Variants in PATJ observed in about 807,000 individuals in gnomAD.
The protein encoded by PATJ is inaD-like protein.
In PATJ, 190 loss-of-function variants were observed where a neutral mutation model predicts 224.9. The observed-to-expected ratio is 0.84, with a 90% CI of 0.75 to 0.95. The LOEUF (loss-of-function observed/expected upper bound fraction) is 0.95. PATJ is among the 40% of genes least tolerant of loss of function. PATJ has a pLI of 0.00. For missense variants in PATJ, 2,121 were observed against 2,270.3 expected (o/e 0.93, Z 1.34); for synonymous variants, 769 against 820.3 (o/e 0.94, Z 1.07).
At chr1:61,953,668 A>G (rs1026393948) in intron 27 of PATJ, among the ~76,000 whole-genome samples, 4 of 152,170 alleles carry the variant, frequency 2.6e-5, no homozygotes, top group Non-Finnish European at 5.9e-5. Flanking sequence ...TCAAACTTGT[A>G]TTGACAAGGC....
chr1:61,862,698 C>G (rs1664803071), intron 19 of PATJ, among the ~76,000 whole-genome samples: 1 of 152,048 alleles, frequency 6.6e-6, no homozygotes, highest in African/African-American at 2.4e-5. Context: ...ATATTGAATA[C>G]TTTCTAAAGA....
chr1:61,841,600 CTT>C (rs11424328), intron 17 of PATJ, among the ~76,000 whole-genome samples: 1 of 142,228 alleles, frequency 7.0e-6, no homozygotes. Flanking sequence ...TTTCTCTTGC[CTT>C]TTTTTTTTTT....
At chr1:62,010,513 C>T (rs773978398) in intron 28 of PATJ, among the ~76,000 whole-genome samples, 1 of 151,470 alleles carries the variant, frequency 6.6e-6, no homozygotes, top group East Asian at 1.9e-4. Context: ...TTAGCTCCCA[C>T]ATATGAGTGA....
intron 27 of PATJ, among the ~76,000 whole-genome samples, chr1:61,989,667 G>A (rs1385956326): frequency 6.6e-6 from 1 of 152,000 alleles, no homozygotes; most frequent in African/African-American, 2.4e-5. Flanking sequence ...GGGTGGGTTG[G>A]GGCAGATAGG....
chr1:62,068,488 A>C (rs1656856666), intron 31 of PATJ, among the ~76,000 whole-genome samples: 1 of 152,156 alleles, frequency 6.6e-6, no homozygotes, highest in South Asian at 2.1e-4. Flanking sequence ...ATGGCTGCCC[A>C]AAGCTCCTAA....
Position 61,886,819 on chromosome 1 carries a change from C to CAAAAAAAAAAAAAAAAAAA in PATJ, c.3131+2423_3131+2424insAAAAAAAAAAAAAAAAAAA, listed in dbSNP as rs35950461. Among the ~76,000 whole-genome samples the CAAAAAAAAAAAAAAAAAAA allele has an allele frequency of 4.9e-3, 426 of 87,440 alleles. 130 individuals carry two copies. The highest frequency in any genetic ancestry group is 7.6e-3 in the Non-Finnish European group (284 of 37,344). 57.4% of individuals were successfully genotyped at this position (87,440 alleles called of 152,430 possible). A position where few individuals can be genotyped will look rare whatever the true frequency, so the allele number is the denominator to read the frequency against. ...TGGGCAACAGAGCAAGACCCCATCT[C>CAAAAAAAAAAAAAAAAAAA]AAAAAAAAAAAATTAGCCTGTTGTG... On this transcript the variant is annotated intron_variant, in intron 22 of 43. Transcript: ENST00000642238.
intron 41 of PATJ, among the ~76,000 whole-genome samples, chr1:62,129,289 C>A (rs966663174): frequency 6.6e-6 from 1 of 152,176 alleles, no homozygotes; most frequent in East Asian, 1.9e-4. Context: ...TGTTACTGAA[C>A]TGCCCAAGTG....
chr1:62,052,861 G>A (rs997675045), intron 31 of PATJ, among the ~76,000 whole-genome samples: 42 of 152,078 alleles, frequency 2.8e-4, no homozygotes, highest in African/African-American at 9.7e-4. Flanking sequence ...ATTTCAAACC[G>A]AAAGCCCCTT....
At chr1:62,058,108 CAAAAATGAGAGTATT>C (rs1654841771) in intron 31 of PATJ, among the ~76,000 whole-genome samples, 1 of 152,116 alleles carries the variant, frequency 6.6e-6, no homozygotes, top group African/African-American at 2.4e-5. Context: ...GGCAAGAATA[CAAAAATGAGAGTATT>C]CCAGTCTACT....
chr1:62,092,398 A>G (rs2148797915), intron 33 of PATJ, among the ~76,000 whole-genome samples: 1 of 151,994 alleles, frequency 6.6e-6, no homozygotes, highest in East Asian at 1.9e-4. Flanking sequence ...AAAAAATGTG[A>G]TTCAAGCACT....
intron 43 of PATJ, among the ~76,000 whole-genome samples, chr1:62,159,005 T>C (rs1669579887): frequency 1.3e-5 from 2 of 152,174 alleles, no homozygotes; most frequent in African/African-American, 4.8e-5. Context: ...TAGCTTAACA[T>C]AGTTTTTAAA....
At chr1:61,938,692 A>T (rs1677270673) in intron 27 of PATJ, among the ~76,000 whole-genome samples, 1 of 152,120 alleles carries the variant, frequency 6.6e-6, no homozygotes, top group Non-Finnish European at 1.5e-5. Context: ...TCTGTTAAAA[A>T]TAAATAAATA....
chr1:61,992,153 T>G (rs1426990698), intron 28 of PATJ, among the ~76,000 whole-genome samples: 1 of 151,340 alleles, frequency 6.6e-6, no homozygotes, highest in Non-Finnish European at 1.5e-5. Context: ...GTTTCACTCT[T>G]GTTGCCCAGG....
At chr1:61,893,919 T>C (rs1669964637) in intron 22 of PATJ, among the ~76,000 whole-genome samples, 1 of 151,032 alleles carries the variant, frequency 6.6e-6, no homozygotes, top group Admixed American at 6.6e-5. Context: ...AGGAGGAAGG[T>C]TTGTATTGTT....
chr1:61,762,914 G>C lies in PATJ; in HGVS notation c.22G>C (p.Asp8His). The change falls in exon 2 of 44, where the codon GAT (aspartate) becomes CAT (histidine). Residue 8 changes from aspartate (D) to histidine (H), a missense_variant and splice_region_variant. Transcript: ENST00000642238. MPENPATDKLQVLQVLDR... is the reference protein window; with the variant it reads MPENPATHKLQVLQVLDR... ...CAAAATGCCTGAAAATCCTGCTACA[G>C]GTATACTGGATATATTGTTCTATAA... 6.5e-7 allele frequency: 1 copy of C among 1,549,652 alleles called. No individual in the cohort carries two copies. The highest frequency in any genetic ancestry group is 8.8e-7 in the Non-Finnish European group (1 of 1,134,336).
At chr1:61,838,192 C>T (rs1294649225) in intron 17 of PATJ, among the ~76,000 whole-genome samples, 7 of 152,128 alleles carry the variant, frequency 4.6e-5, no homozygotes, top group South Asian at 4.1e-4. Flanking sequence ...GTCTCAAATA[C>T]GCCTAGCCAC....
intron 28 of PATJ, among the ~76,000 whole-genome samples, chr1:62,005,288 G>C (rs981053872): frequency 6.6e-6 from 1 of 151,820 alleles, no homozygotes; most frequent in Non-Finnish European, 1.5e-5. Flanking sequence ...TCAAACTCCT[G>C]ACCTCAAGTG....
chr1:61,871,401 G>GCGTATATATATATACATATATA (rs1666380354), intron 20 of PATJ, among the ~76,000 whole-genome samples: 1 of 82,362 alleles, frequency 1.2e-5, no homozygotes, highest in Admixed American at 1.5e-4. Context: ...ATATATATAT[G>GCGTATATATATATACATATATA]TGTATATATA....
At chr1:62,109,044 A>G (rs1429373199) in intron 34 of PATJ, among the ~76,000 whole-genome samples, 5 of 152,200 alleles carry the variant, frequency 3.3e-5, no homozygotes, top group Non-Finnish European at 7.3e-5. Flanking sequence ...TGAAATGCTT[A>G]ACTTTTTCAA....
Sources: gnomAD v4.1 joint callset for allele counts (sites outside exome capture counted in the v4.1 genomes callset) on GRCh38, gnomAD v4.1.1 for gene constraint, MANE v1.5 for transcripts, NCBI Gene and HGNC (gene_info 2026-07-23, HGNC 2026-07-21) for gene names.